The following TBC1D8 variants were observed in gnomAD, a reference collection of about 807,000 sequenced individuals.
TBC1D8 encodes the protein TBC1 domain family member 8.
A neutral mutation model predicts 118.8 loss-of-function variants in TBC1D8; 65 were observed. The ratio of observed to expected loss-of-function variants is 0.55; its 90% CI spans 0.45 to 0.67. The LOEUF (loss-of-function observed/expected upper bound fraction) is 0.67. TBC1D8 is among the 30% of genes least tolerant of loss of function. TBC1D8 has a pLI of 0.00. For synonymous variants in TBC1D8, 566 were observed against 595.8 expected, an observed-to-expected ratio of 0.95 and a Z score of 0.73; for missense variants, 1,376 against 1,471.2, an observed-to-expected ratio of 0.94 and a Z score of 1.06.
chr2:101,047,691 C>G (rs973740783), intron 5 of TBC1D8, among the ~76,000 whole-genome samples: 2 of 152,336 alleles, frequency 1.3e-5, no homozygotes, highest in East Asian at 3.9e-4. Flanking sequence ...CAGGGCCAGC[C>G]CCACGCACCT....
chr2:101,098,434 C>T (rs1208411311), intron 1 of TBC1D8, among the ~76,000 whole-genome samples: 2 of 151,864 alleles, frequency 1.3e-5, no homozygotes, highest in African/African-American at 4.8e-5. Flanking sequence ...ATTATAACAC[C>T]CCACTGTCAG....
At chr2:101,091,801 A>G (rs1476419846) in intron 1 of TBC1D8, among the ~76,000 whole-genome samples, 2 of 152,198 alleles carry the variant, frequency 1.3e-5, no homozygotes, top group Admixed American at 6.5e-5. Flanking sequence ...TAGGTCTTCA[A>G]TTTACTTCAC....
intron 1 of TBC1D8, among the ~76,000 whole-genome samples, chr2:101,099,103 A>G (rs1321670526): frequency 1.3e-5 from 2 of 151,964 alleles, no homozygotes; most frequent in Admixed American, 6.6e-5. Context: ...GAAAAAATTA[A>G]CAAGACCACT....
At chr2:101,036,249 G>A in intron 8 of TBC1D8, 81 bp from the exon 9 acceptor site, 6 of 1,523,690 alleles carry the variant, frequency 3.9e-6, no homozygotes, top group Non-Finnish European at 5.4e-6. Context: ...TGGCAATGGA[G>A]GAAGTACTGC....
At chr2:101,041,593 G>T (rs984426904) in intron 5 of TBC1D8, among the ~76,000 whole-genome samples, 3 of 152,080 alleles carry the variant, frequency 2.0e-5, no homozygotes, top group Non-Finnish European at 2.9e-5. Flanking sequence ...TCTTTTTGGG[G>T]TGATGAAATG....
At chr2:101,067,733 G>A (rs896778541) in intron 2 of TBC1D8, among the ~76,000 whole-genome samples, 1 of 152,148 alleles carries the variant, frequency 6.6e-6, no homozygotes, top group Non-Finnish European at 1.5e-5. Context: ...AAGTTGGGAT[G>A]GCTGTGACAA....
At chr2:101,050,854 A>G (rs1406475683) in intron 4 of TBC1D8, among the ~76,000 whole-genome samples, 1 of 152,190 alleles carries the variant, frequency 6.6e-6, no homozygotes, top group Non-Finnish European at 1.5e-5. Flanking sequence ...TTATTTCATC[A>G]CCCAGGTGTT....
rs551370171 is a variant in TBC1D8 at position 101,028,568 on chromosome 2, C to T, written c.2223-136G>A. 860 of 1,311,536 alleles carry T rather than the reference C, an allele frequency of 6.6e-4. 1 individual carries two copies. Among genetic ancestry groups the T allele is most frequent in the Non-Finnish European group, 8.2e-4 (806 of 983,474 alleles). 81.2% of individuals were successfully genotyped at this position (1,311,536 alleles called of 1,614,324 possible). A position where few individuals can be genotyped will look rare whatever the true frequency, so the allele number is the denominator to read the frequency against. ...GGAGGAGGGCAAGGCTGCAGCTGCT[C>T]GGCTTATTTTAGAGAAGCGAGAGGC... On this transcript the variant is annotated intron_variant, in intron 12 of 19. Transcript: ENST00000409318.
At chr2:101,028,023 C>A (rs745682889) in intron 14 of TBC1D8, 25 bp downstream of exon 14, 1 of 1,610,792 alleles carries the variant, frequency 6.2e-7, no homozygotes, top group Non-Finnish European at 8.5e-7. Context: ...ACCGTGATCA[C>A]CGGGGTGAGG....
At chr2:101,145,662 C>T (rs1679290198) in intron 1 of TBC1D8, among the ~76,000 whole-genome samples, 2 of 152,156 alleles carry the variant, frequency 1.3e-5, no homozygotes, top group South Asian at 4.1e-4. Flanking sequence ...TTCACCTCCC[C>T]CAGTCATTAG....
intron 5 of TBC1D8, among the ~76,000 whole-genome samples, chr2:101,047,547 C>A (rs896225453): frequency 6.6e-6 from 1 of 152,230 alleles, no homozygotes; most frequent in Non-Finnish European, 1.5e-5. Flanking sequence ...CACAGGCCCA[C>A]GTCTCCATGA....
At position 101,022,297 on chromosome 2, in the gene TBC1D8, C is replaced by T. The variant is rs150560158; in HGVS notation, c.2745G>A (p.Ala915=). ...DNMDQLIEFK[A]FVSCLDIMYN... is the part of the protein sequence containing the mutation. ...GAGGCATACCGAGGCAGCTCACAAA[C>T]GCTTTGAACTCGATGAGCTGGTCCA... is the stretch of plus-strand genomic sequence containing the variant. Residue 915 remains alanine, a synonymous_variant, in exon 16 of 20, where the codon GCG becomes GCA. Transcript: ENST00000409318. 453 of 1,613,464 alleles carry T rather than the reference C, an allele frequency of 2.8e-4. 2 individuals carry two copies. Among genetic ancestry groups the T allele is most frequent in the South Asian group, 1.1e-3 (103 of 90,940 alleles).
At chr2:101,034,086 C>T (rs899997317) in intron 9 of TBC1D8, among the ~76,000 whole-genome samples, 3 of 152,114 alleles carry the variant, frequency 2.0e-5, no homozygotes, top group African/African-American at 7.2e-5. Context: ...ATCCCTTGAG[C>T]CCAGGAGGCA....
chr2:101,045,295 GTC>G (rs1025135998), intron 5 of TBC1D8, among the ~76,000 whole-genome samples: 3 of 152,180 alleles, frequency 2.0e-5, no homozygotes, highest in Non-Finnish European at 2.9e-5. Flanking sequence ...AGTTATATTT[GTC>G]TCTCCTACTT....
chr2:101,119,770 C>A (rs778651434), intron 1 of TBC1D8, among the ~76,000 whole-genome samples: 4 of 152,210 alleles, frequency 2.6e-5, no homozygotes, highest in Non-Finnish European at 5.9e-5. Context: ...TAGTTACTTT[C>A]ACCTTGAAAA....
At position 101,014,384 on chromosome 2, in the gene TBC1D8, T is replaced by G. The variant is rs557951171; in HGVS notation, c.2828-2844A>C. ...AGCTGATATCAGGACTGCTTAACTG[T>G]TAAACTGGAGCTGATATCAGGACTG... is the stretch of plus-strand genomic sequence containing the variant. On this transcript the variant is annotated intron_variant, in intron 17 of 19. Transcript: ENST00000409318. Among the ~76,000 whole-genome samples, 4 of 152,352 alleles carry G rather than the reference T, an allele frequency of 2.6e-5. No individual in the cohort carries two copies. The South Asian group carries it at 8.3e-4, about 32-fold the overall frequency.
rs978905789 is a variant in TBC1D8 at position 101,113,844 on chromosome 2, G to A, written c.128-23480C>T. Among the ~76,000 whole-genome samples, 10 of 152,170 alleles carry A rather than the reference G, an allele frequency of 6.6e-5. No homozygotes were observed. In the South Asian group the frequency reaches 1.4e-3, roughly 22 times the overall value. ...TCTGCGGCGGATTCCGGCTCCTCAC[G>A]CAGGAAGAGCTCCCCAGGGAGCCTG... On this transcript the variant is annotated intron_variant, in intron 1 of 19. Coordinates refer to ENST00000409318, the MANE Select transcript of TBC1D8 (RefSeq NM_001330348.2).
intron 5 of TBC1D8, among the ~76,000 whole-genome samples, chr2:101,048,496 T>C (rs932965742): frequency 1.3e-5 from 2 of 152,186 alleles, no homozygotes; most frequent in East Asian, 1.9e-4. Flanking sequence ...CAAGACCATG[T>C]GAAATTCCTT....
At chr2:101,104,097 T>C (rs1677045294) in intron 1 of TBC1D8, among the ~76,000 whole-genome samples, 1 of 152,074 alleles carries the variant, frequency 6.6e-6, no homozygotes. Flanking sequence ...AACTAGAATT[T>C]GAAGGAAAAA....
Sources: allele counts gnomAD v4.1 joint callset (sites outside exome capture counted in the v4.1 genomes callset), GRCh38; gene constraint gnomAD v4.1.1; transcripts MANE v1.5; gene names NCBI Gene and HGNC (gene_info 2026-07-23, HGNC 2026-07-21).